KCNJ9: variants seen among roughly 807,000 people sequenced by gnomAD.
KCNJ9 encodes the protein G protein-activated inward rectifier potassium channel 3.
A neutral mutation model predicts 27.9 loss-of-function variants in KCNJ9; 18 were observed. The observed-to-expected ratio is 0.65, with a 90% confidence interval of 0.45 to 0.96. The LOEUF is 0.96. Among genes scored for constraint, KCNJ9 ranks in the 40% least tolerant of loss-of-function variants. The pLI is 0.00. For synonymous variants in KCNJ9, 229 were observed against 248.2 expected (o/e 0.92, Z 0.73); for missense variants, 324 against 557.5 (o/e 0.58, Z 4.22).
chr1:160,081,949 G>A (rs1445818300), intron 1 of KCNJ9, among the ~76,000 whole-genome samples: 2 of 152,216 alleles, frequency 1.3e-5, no homozygotes, highest in Non-Finnish European at 2.9e-5. Flanking sequence ...TTGGAGGGAA[G>A]ATGGAGAAAT....
In KCNJ9 at chr1:160,087,885, G is replaced by C. The variant is rs1649811208; in HGVS notation, c.*68G>C. ...CAGATACATGGGGAACTGCATATCG[G>C]AGGTGGTGGAGGAGGAGGAGGAGGA... is the stretch of plus-strand genomic sequence containing the variant. On this transcript the variant is annotated 3_prime_UTR_variant, in exon 3 of 3. Transcript: ENST00000368088. 1.5e-6 allele frequency: 2 copies of C among 1,344,572 alleles called. No individual in the cohort carries two copies. Among genetic ancestry groups the C allele is most frequent in the Non-Finnish European group, 1.9e-6 (2 of 1,037,432 alleles). 83.3% of individuals were successfully genotyped at this position (1,344,572 alleles called of 1,614,324 possible).
At chr1:160,083,764 G>A (rs1649725159) in intron 1 of KCNJ9, among the ~76,000 whole-genome samples, 153 bp from the exon 2 acceptor site, 1 of 152,194 alleles carries the variant, frequency 6.6e-6, no homozygotes. Context: ...CTGAGCCTGG[G>A]GGGCAGTTAG....
Position 160,087,700 on chromosome 1 carries a change from C to A in KCNJ9, c.1065C>A (p.Ser355Arg). ...CCCATCTCTACTGGTCCATCCCCAG[C>A]CGGCTGGATGAGAAGGTGGAGGAGG... ...LDAHLYWSIP[S>R]RLDEKVEEEG... The change falls in exon 3 of 3, where the codon AGC (serine) becomes AGA (arginine). Residue 355 changes from serine to arginine, a missense_variant. Coordinates refer to ENST00000368088, the MANE Select transcript of KCNJ9 (RefSeq NM_004983.3). 7.3e-7 allele frequency: 1 copy of A among 1,365,886 alleles called. No individual in the cohort carries two copies. Among genetic ancestry groups the A allele is most frequent in the Non-Finnish European group, 9.6e-7 (1 of 1,043,710 alleles). 84.6% of individuals were successfully genotyped at this position (1,365,886 alleles called of 1,614,324 possible).
intron 2 of KCNJ9, 39 bp from the exon 3 acceptor site, chr1:160,087,447 G>A: frequency 6.4e-7 from 1 of 1,555,142 alleles, no homozygotes; most frequent in East Asian, 2.3e-5. Context: ...AGGGAAGCCT[G>A]GAGCTGAGAT....
In KCNJ9 at chr1:160,084,901, G is replaced by A. The variant is rs1338880566; in HGVS notation, c.850+21G>A. 5.3e-6 allele frequency: 8 copies of A among 1,507,920 alleles called. No individual in the cohort carries two copies. The South Asian group carries it at 8.7e-5, about 16-fold the overall frequency. 93.4% of individuals were successfully genotyped at this position (1,507,920 alleles called of 1,614,324 possible). A position where few individuals can be genotyped will look rare whatever the true frequency, so the allele number is the denominator to read the frequency against. On this transcript the variant is annotated intron_variant, in intron 2 of 2. Transcript: ENST00000368088. ...CACGGGTGCGAGCAGGCCTGGGGAG[G>A]GGAGCGGGGTTGGCAGAGGGTGGGC...
rs146174837 is a variant in KCNJ9 at position 160,087,682 on chromosome 1, C to G, written c.1047C>G (p.Leu349=). Residue 349 remains leucine, a synonymous_variant, in exon 3 of 3, where the codon CTC becomes CTG. Transcript: ENST00000368088. ...AEAAARLDAH[L]YWSIPSRLDE... is the part of the protein sequence containing the mutation. ...CTGCCGCCCGCCTTGATGCCCATCT[C>G]TACTGGTCCATCCCCAGCCGGCTGG... The G allele has an allele frequency of 2.5e-6, 4 of 1,590,574 alleles. No individual in the cohort carries two copies. Among genetic ancestry groups the G allele is most frequent in the Non-Finnish European group, 3.4e-6 (4 of 1,166,982 alleles).
chr1:160,084,691 A>C lies in KCNJ9; in HGVS notation c.661A>C (p.Ile221Leu). 1 of 1,592,792 alleles carries C rather than the reference A, an allele frequency of 6.3e-7. No homozygotes were observed. The highest frequency in any genetic ancestry group is 8.6e-7 in the Non-Finnish European group (1 of 1,169,516). Residue 221 changes from isoleucine (I) to leucine (L), a missense_variant, in exon 2 of 3, where the codon ATC becomes CTC. By Grantham distance (5) the Ile-to-Leu change is conservative. Transcript: ENST00000368088. Reference sequence around the variant, plus strand: ...GCGCCAGACGCTGGAGGGCGAGTTCATCCCGCTGCACCAGACCGACCTCAG... The same window carrying C: ...GCGCCAGACGCTGGAGGGCGAGTTCCTCCCGCTGCACCAGACCGACCTCAG... ...RSRQTLEGEF[I>L]PLHQTDLSVG...
intron 2 of KCNJ9, among the ~76,000 whole-genome samples, chr1:160,087,165 G>A (rs1649790904): frequency 6.6e-6 from 1 of 152,218 alleles, no homozygotes; most frequent in Non-Finnish European, 1.5e-5. Flanking sequence ...CTCCTTTGGG[G>A]AGCCCTGTAT....
chr1:160,087,293 G>A (rs1412055586), intron 2 of KCNJ9, among the ~76,000 whole-genome samples, 193 bp from the exon 3 acceptor site: 1 of 152,058 alleles, frequency 6.6e-6, no homozygotes, highest in Non-Finnish European at 1.5e-5. Flanking sequence ...AGGAGTTGGG[G>A]CAAATGGAGA....
rs1321385284 is a variant in KCNJ9, at chr1:160,087,343, G to T, written c.851-143G>T. The T allele has an allele frequency of 1.1e-5, 14 of 1,270,180 alleles. No individual in the cohort carries two copies. The East Asian group carries it at 4.1e-4, about 38-fold the overall frequency. The allele number at this position is 1,270,180 out of a possible 1,614,324, so 78.7% of individuals were successfully genotyped here. On this transcript the variant is annotated intron_variant, in intron 2 of 2. Transcript: ENST00000368088. ...TGGGTAAGAACAGGAGCTAGGGAGG[G>T]GGGGAAATGGACTGGACCAAAGGGA...
chr1:160,083,515 G>T (rs74123249), intron 1 of KCNJ9, among the ~76,000 whole-genome samples: 1 of 152,028 alleles, frequency 6.6e-6, no homozygotes, highest in Non-Finnish European at 1.5e-5. Flanking sequence ...GGGCAGGGAG[G>T]GCTCCATTAC....
chr1:160,082,675 C>T (rs1053711260), intron 1 of KCNJ9, among the ~76,000 whole-genome samples: 11 of 152,230 alleles, frequency 7.2e-5, no homozygotes, highest in South Asian at 2.1e-4. Context: ...CCATCCCCCA[C>T]CCACTAGCCA....
At position 160,084,382 on chromosome 1, in the gene KCNJ9, G is replaced by T; in HGVS notation, c.352G>T (p.Glu118Ter). Residue 118 changes from glutamate (E) to a stop codon, truncating the protein, a stop_gained, in exon 2 of 3, where the codon GAG becomes TAG. Coordinates refer to ENST00000368088, the MANE Select transcript of KCNJ9 (RefSeq NM_004983.3). LOFTEE classifies it high-confidence loss of function. Reference sequence around the variant, plus strand: ...CGCCTTCCTCTTCTCCATCGAGACCGAGACCACCATCGGCTACGGGCACCG... The same window carrying T: ...CGCCTTCCTCTTCTCCATCGAGACCTAGACCACCATCGGCTACGGGCACCG... ...VAAFLFSIET[E>*]TTIGYGHRVI... is the part of the protein sequence containing the mutation. 1 of 1,613,676 alleles carries T rather than the reference G, an allele frequency of 6.2e-7. No homozygotes were observed. Among genetic ancestry groups the T allele is most frequent in the Non-Finnish European group, 8.5e-7 (1 of 1,179,912 alleles).
In KCNJ9 at chr1:160,088,970, G is replaced by A. The variant is rs760612089; in HGVS notation, c.*1153G>A. ...GGCATAGGGAATATGTAAGTCAGGA[G>A]TTAGAAATCTCCAGTGTGCGTTGGA... On this transcript the variant is annotated 3_prime_UTR_variant, in exon 3 of 3. Coordinates refer to ENST00000368088, the MANE Select transcript of KCNJ9 (RefSeq NM_004983.3). 1 of 152,264 alleles carries A rather than the reference G, an allele frequency of 6.6e-6. No homozygotes were observed. The highest frequency in any genetic ancestry group is 2.4e-5 in the African/African-American group (1 of 41,450). The allele number at this position is 152,264 out of a possible 1,614,324, so 9.4% of individuals were successfully genotyped here.
At position 160,084,417 on chromosome 1, in the gene KCNJ9, C is replaced by T; in HGVS notation, c.387C>T (p.Thr129=). ...TCGGCTACGGGCACCGCGTCATCAC[C>T]GACCAGTGCCCCGAGGGCATCGTGC... ...TTIGYGHRVI[T]DQCPEGIVLL... is the part of the protein sequence containing the mutation. The change falls in exon 2 of 3, where the codon ACC becomes ACT. Residue 129 remains threonine, a synonymous_variant. Transcript: ENST00000368088. 2 of 1,613,590 alleles carry T rather than the reference C, an allele frequency of 1.2e-6. No individual in the cohort carries two copies. The highest frequency in any genetic ancestry group is 8.5e-7 in the Non-Finnish European group (1 of 1,179,882).
At position 160,084,103 on chromosome 1, in the gene KCNJ9, G is replaced by A; in HGVS notation, c.73G>A (p.Val25Met). The stretch of plus-strand genomic sequence containing the variant: ...GCGGCGCCGCGGCCGCCAGCGCTAC[G>A]TGGAGAAGGATGGCCGGTGCAACGT... ...PPRRRGRQRYVEKDGRCNVQQ... is the reference protein window; with the variant it reads ...PPRRRGRQRYMEKDGRCNVQQ... The change falls in exon 2 of 3, where the codon GTG becomes ATG. Residue 25 changes from valine to methionine, a missense_variant. Transcript: ENST00000368088. 1 of 1,547,746 alleles carries A rather than the reference G, an allele frequency of 6.5e-7. No homozygotes were observed. Among genetic ancestry groups the A allele is most frequent in the African/African-American group, 1.4e-5 (1 of 73,212 alleles).
rs1649800945 is a variant in KCNJ9 at position 160,087,581 on chromosome 1, G to A, written c.946G>A (p.Glu316Lys). The A allele has an allele frequency of 3.1e-6, 5 of 1,613,940 alleles. No homozygotes were observed. Among genetic ancestry groups the A allele is most frequent in the Non-Finnish European group, 4.2e-6 (5 of 1,179,932 alleles). Residue 316 changes from glutamate (E) to lysine (K), a missense_variant, in exon 3 of 3, where the codon GAA (glutamate) becomes AAA (lysine). By Grantham distance (56) the Glu-to-Lys change is moderately conservative. Around this residue, in one of 3 missense-constraint regions of KCNJ9, gnomAD observed 241 missense variants for 481.7 expected, o/e 0.50. Transcript: ENST00000368088. ...SVLTLEDGFYEVDYASFHETF... is the reference protein window; with the variant it reads ...SVLTLEDGFYKVDYASFHETF... ...GCTGACTCTGGAGGACGGCTTCTAC[G>A]AAGTGGACTATGCCAGCTTTCACGA...
At chr1:160,083,844 C>A in intron 1 of KCNJ9, 73 bp from the exon 2 acceptor site, 1 of 376,354 alleles carries the variant, frequency 2.7e-6, no homozygotes, top group Non-Finnish European at 4.4e-6. Flanking sequence ...CCCCCCAGGG[C>A]TCGGTGCTGG....
chr1:160,087,892 T>A lies in KCNJ9; in HGVS notation c.*75T>A. ...ATGGGGAACTGCATATCGGAGGTGG[T>A]GGAGGAGGAGGAGGAGGAGGAAGGC... On this transcript the variant is annotated 3_prime_UTR_variant, in exon 3 of 3. Coordinates refer to ENST00000368088, the MANE Select transcript of KCNJ9 (RefSeq NM_004983.3). The A allele has an allele frequency of 7.6e-7, 1 of 1,309,524 alleles. No homozygotes were observed. The highest frequency in any genetic ancestry group is 9.9e-7 in the Non-Finnish European group (1 of 1,014,110). 81.1% of individuals were successfully genotyped at this position (1,309,524 alleles called of 1,614,324 possible). A position where few individuals can be genotyped will look rare whatever the true frequency, so the allele number is the denominator to read the frequency against.
Sources: gnomAD v4.1 joint callset for allele counts (sites outside exome capture counted in the v4.1 genomes callset) on GRCh38, gnomAD v4.1.1 for gene constraint, gnomAD v4.1.1 regional missense constraint, MANE v1.5 for transcripts, NCBI Gene and HGNC (gene_info 2026-07-23, HGNC 2026-07-21) for gene names.